Variants in F13A1 observed in about 807,000 individuals in gnomAD.
F13A1 encodes FSF, A subunit.
In F13A1, 47 loss-of-function variants were observed where a neutral mutation model predicts 80.1. That is an observed-to-expected ratio of 0.59 (90% confidence interval 0.46 to 0.75). F13A1 has a LOEUF of 0.75. Among genes scored for constraint, F13A1 ranks in the 30% least tolerant of loss-of-function variants. The pLI is 0.00. For synonymous variants in F13A1, 349 were observed against 344.9 expected, an observed-to-expected ratio of 1.01 and a Z score of -0.13; for missense variants, 817 against 930.4, an observed-to-expected ratio of 0.88 and a Z score of 1.59.
intron 4 of F13A1, among the ~76,000 whole-genome samples, chr6:6,265,528 A>G (rs1337412205): frequency 6.6e-6 from 1 of 152,242 alleles, no homozygotes; most frequent in East Asian, 1.9e-4. Flanking sequence ...TGACTGAGGC[A>G]CAAAACAGAA....
chr6:6,163,829 C>T lies in F13A1; in HGVS notation c.1908+3629G>A, dbSNP rs540115121. Among the ~76,000 whole-genome samples the T allele has an allele frequency of 2.0e-5, 3 of 152,262 alleles. No individual in the cohort carries two copies. The East Asian group carries it at 5.8e-4, about 29-fold the overall frequency. On this transcript the variant is annotated intron_variant, in intron 13 of 14. Coordinates refer to ENST00000264870, the MANE Select transcript of F13A1 (RefSeq NM_000129.4). ...ATTTATATTCCTTTGGGTATCTACG[C>T]AGTAATGGGATTGCTGGGTCAAATG...
chr6:6,320,038 G>T (rs188663808), intron 1 of F13A1, among the ~76,000 whole-genome samples: 6 of 152,200 alleles, frequency 3.9e-5, no homozygotes, highest in Admixed American at 6.5e-5. Context: ...GGGGGAGAAG[G>T]GGGGAGCCCC....
At position 6,277,195 on chromosome 6, in the gene F13A1, G is replaced by A; in HGVS notation, c.320-10386C>T. ...CTAAAAAATACAAAAAATTAGCCGG[G>A]CGTAGTGGCGGGCGCCTGTGGTCCC... On this transcript the variant is annotated intron_variant, in intron 3 of 14. Coordinates refer to ENST00000264870, the MANE Select transcript of F13A1 (RefSeq NM_000129.4). Among the ~76,000 whole-genome samples the A allele has an allele frequency of 1.4e-4, 2 of 14,784 alleles. 1 individual carries two copies. Among genetic ancestry groups the A allele is most frequent in the Non-Finnish European group, 2.5e-4 (2 of 8,034 alleles). 9.7% of individuals were successfully genotyped at this position (14,784 alleles called of 152,430 possible). A position where few individuals can be genotyped will look rare whatever the true frequency, so the allele number is the denominator to read the frequency against.
At chr6:6,285,896 C>T (rs1758133236) in intron 3 of F13A1, among the ~76,000 whole-genome samples, 1 of 152,154 alleles carries the variant, frequency 6.6e-6, no homozygotes, top group African/African-American at 2.4e-5. Flanking sequence ...GCCAAAATGG[C>T]GGAATTTAAC....
intron 10 of F13A1, 61 bp downstream of exon 10, chr6:6,195,736 C>T (rs1761277783): frequency 1.4e-6 from 2 of 1,477,306 alleles, no homozygotes; most frequent in South Asian, 1.2e-5. Flanking sequence ...TTTTAGCTTA[C>T]TCTTTCATGT....
intron 12 of F13A1, 47 bp from the exon 13 acceptor site, chr6:6,167,665 G>A (rs1395067792): frequency 1.2e-6 from 2 of 1,604,084 alleles, no homozygotes; most frequent in Non-Finnish European, 8.5e-7. Context: ...ACTTGAGACA[G>A]GGTCTGCTTT....
intron 3 of F13A1, among the ~76,000 whole-genome samples, chr6:6,280,851 G>A (rs1222362860): frequency 2.6e-5 from 4 of 152,248 alleles, no homozygotes; most frequent in Middle Eastern, 3.4e-3. Context: ...ATTGCCTTCC[G>A]TAAATAACAC....
At chr6:6,317,485 G>T (rs931945145) in intron 2 of F13A1, among the ~76,000 whole-genome samples, 24 of 152,000 alleles carry the variant, frequency 1.6e-4, no homozygotes, top group Non-Finnish European at 3.1e-4. Context: ...ATACCTCCCT[G>T]ATTTCACTAT....
chr6:6,182,166 A>C, intron 10 of F13A1, 25 bp from the exon 11 acceptor site: 1 of 1,613,370 alleles, frequency 6.2e-7, no homozygotes, highest in Non-Finnish European at 8.5e-7. Context: ...GGAGAGCATT[A>C]GCCATCATCA....
chr6:6,256,471 C>A (rs928720022), intron 4 of F13A1, among the ~76,000 whole-genome samples: 1 of 152,166 alleles, frequency 6.6e-6, no homozygotes, highest in Admixed American at 6.5e-5. Flanking sequence ...CCCAGAGCAA[C>A]TCTGTCACCA....
chr6:6,294,516 C>A (rs1421445291), intron 3 of F13A1, among the ~76,000 whole-genome samples: 1 of 146,842 alleles, frequency 6.8e-6, no homozygotes, highest in African/African-American at 2.7e-5. Flanking sequence ...TGTATATACA[C>A]ACAACACTCA....
chr6:6,242,720 C>G (rs992928768), intron 6 of F13A1, among the ~76,000 whole-genome samples: 1 of 152,162 alleles, frequency 6.6e-6, no homozygotes, highest in African/African-American at 2.4e-5. Flanking sequence ...CCCTCTACTA[C>G]ATTTTTCTTC....
intron 3 of F13A1, among the ~76,000 whole-genome samples, chr6:6,289,170 A>G (rs969149451): frequency 6.6e-6 from 1 of 152,184 alleles, no homozygotes; most frequent in Non-Finnish European, 1.5e-5. Context: ...AGGTGAGGAA[A>G]CAGTAATGTG....
At chr6:6,239,903 CA>C (rs1254342248) in intron 6 of F13A1, among the ~76,000 whole-genome samples, 1 of 152,022 alleles carries the variant, frequency 6.6e-6, no homozygotes, top group Admixed American at 6.6e-5. Context: ...CAGGAGGAGA[CA>C]GGGGAAAGAA....
At chr6:6,235,234 C>T (rs1334546467) in intron 6 of F13A1, among the ~76,000 whole-genome samples, 2 of 151,846 alleles carry the variant, frequency 1.3e-5, no homozygotes, top group Non-Finnish European at 1.5e-5. Flanking sequence ...TAGGCAGTTT[C>T]CTTAGATAAA....
chr6:6,274,468 T>G (rs1757961566), intron 3 of F13A1, among the ~76,000 whole-genome samples: 1 of 152,170 alleles, frequency 6.6e-6, no homozygotes, highest in African/African-American at 2.4e-5. Context: ...AGTGCACCAC[T>G]TAGATGGCTA....
chr6:6,209,750 G>A (rs1048338329), intron 8 of F13A1, among the ~76,000 whole-genome samples: 1 of 152,126 alleles, frequency 6.6e-6, no homozygotes, highest in African/African-American at 2.4e-5. Context: ...AGACACAAAA[G>A]GTCACATATT....
At chr6:6,191,604 T>C (rs1761201145) in intron 10 of F13A1, among the ~76,000 whole-genome samples, 1 of 152,204 alleles carries the variant, frequency 6.6e-6, no homozygotes, top group African/African-American at 2.4e-5. Context: ...GCCCATAGAA[T>C]GTGAACATTT....
rs17141916 is a variant in F13A1 at position 6,250,391 on chromosome 6, C to T, written c.690+420G>A. Among the ~76,000 whole-genome samples, 2,449 of 149,320 alleles carry T rather than the reference C, an allele frequency of 0.016. 60 individuals are homozygous for T. Among genetic ancestry groups the T allele is most frequent in the East Asian group, 0.11 (573 of 5,122 alleles). ...AATGATAACACTCTTTTCTAATTAG[C>T]AGTACCCTAGGCTAACACTTAAAAA... is the stretch of plus-strand genomic sequence containing the variant. On this transcript the variant is annotated intron_variant, in intron 5 of 14. Transcript: ENST00000264870. This position sits in a 1 kb window ranked among gnomAD's most constrained non-coding sequence, Gnocchi z 4.2.
Sources: gnomAD v4.1 joint callset for allele counts (sites outside exome capture counted in the v4.1 genomes callset) on GRCh38, gnomAD v4.1.1 for gene constraint, Gnocchi (gnomAD v3.1) non-coding constraint, MANE v1.5 for transcripts, NCBI Gene and HGNC (gene_info 2026-07-23, HGNC 2026-07-21) for gene names.